Variants in CLCN5 observed in about 807,000 individuals in gnomAD.
CLCN5 encodes the protein H(+)/Cl(-) exchange transporter 5.
A neutral mutation model predicts 54.0 loss-of-function variants in CLCN5; 17 were observed. That is an observed-to-expected ratio of 0.31 (90% CI 0.22 to 0.47). The LOEUF (loss-of-function observed/expected upper bound fraction) is 0.47, where lower values mean the gene tolerates loss of function less well. Ranked by LOEUF, CLCN5 falls within the 20% of genes least tolerant of loss-of-function variation. The pLI is 1.00. For missense variants in CLCN5, 448 were observed against 646.7 expected (o/e 0.69, Z 3.33); for synonymous variants, 222 against 233.0 (o/e 0.95, Z 0.43).
chrX:50,038,416 G>A (rs889005636), intron 3 of CLCN5, among the ~76,000 whole-genome samples: 8 of 110,759 alleles, frequency 7.2e-5, no homozygotes, highest in East Asian at 2.8e-4. Context: ...TCATTAGTGG[G>A]GCAAATAAAA....
intron 3 of CLCN5, among the ~76,000 whole-genome samples, chrX:49,938,308 C>CAA (rs782416399): frequency 3.7e-4 from 41 of 111,470 alleles, no homozygotes; most frequent in Admixed American, 3.5e-3. Flanking sequence ...CATATGGAAC[C>CAA]AAAAAAGAGC....
intron 3 of CLCN5, among the ~76,000 whole-genome samples, chrX:49,945,595 G>A (rs781830859): frequency 1.0e-5 from 1 of 98,267 alleles, no homozygotes; most frequent in Non-Finnish European, 2.0e-5. Flanking sequence ...GCGCCACCAC[G>A]CCCAGCTAGT....
At chrX:49,981,779 T>C (rs1557177733) in intron 3 of CLCN5, among the ~76,000 whole-genome samples, 1 of 109,365 alleles carries the variant, frequency 9.1e-6, no homozygotes, top group Non-Finnish European at 1.9e-5. Flanking sequence ...AAGCTAAATA[T>C]GAAGCTGAAA....
intron 4 of CLCN5, among the ~76,000 whole-genome samples, chrX:50,063,355 C>T: frequency 9.6e-6 from 1 of 104,125 alleles, no homozygotes; most frequent in East Asian, 2.9e-4. Flanking sequence ...GAAATACAAA[C>T]TACCATCAGA....
At chrX:49,999,441 A>G (rs1158634653) in intron 3 of CLCN5, among the ~76,000 whole-genome samples, 1 of 104,503 alleles carries the variant, frequency 9.6e-6, no homozygotes, top group Middle Eastern at 4.5e-3. Context: ...TGCTGAGTTG[A>G]AGTATTTGAA....
At chrX:50,051,276 C>T (rs987580669) in intron 4 of CLCN5, among the ~76,000 whole-genome samples, 1 of 112,375 alleles carries the variant, frequency 8.9e-6, no homozygotes, top group Non-Finnish European at 1.9e-5. Context: ...GTTAAAAACA[C>T]TGTCCTTTCT....
In CLCN5 at chrX:50,094,983, A is replaced by T. The variant is rs782720039; in HGVS notation, c.*2764A>T. On this transcript the variant is annotated 3_prime_UTR_variant, in exon 15 of 15. Coordinates refer to ENST00000376091, the MANE Select transcript of CLCN5 (RefSeq NM_001127898.4). ...TGCTTAAGCAACAAATACAGCCAGTATAGGGAGGACTGTCAGTAGCATCAA... is the reference window on the plus strand; with the variant it reads ...TGCTTAAGCAACAAATACAGCCAGTTTAGGGAGGACTGTCAGTAGCATCAA... 5.3e-5 allele frequency: 6 copies of T among 112,823 alleles called. No homozygotes were observed. Among genetic ancestry groups the T allele is most frequent in the Non-Finnish European group, 1.1e-4 (6 of 53,329 alleles). The allele number at this position is 112,823 out of a possible 1,213,427, so 9.3% of individuals were successfully genotyped here.
At chrX:49,939,710 A>G (rs935724682) in intron 3 of CLCN5, among the ~76,000 whole-genome samples, 6 of 110,619 alleles carry the variant, frequency 5.4e-5, no homozygotes, top group Admixed American at 2.9e-4. Flanking sequence ...AATGGGTGCA[A>G]CACACCAACA....
At chrX:50,004,738 C>T (rs1001923528) in intron 3 of CLCN5, among the ~76,000 whole-genome samples, 2 of 110,602 alleles carry the variant, frequency 1.8e-5, no homozygotes, top group Non-Finnish European at 3.8e-5. Flanking sequence ...GGTGAAACCC[C>T]GTCTCTACTA....
chrX:50,054,235 A>C (rs892308697), intron 4 of CLCN5, among the ~76,000 whole-genome samples: 4 of 110,560 alleles, frequency 3.6e-5, no homozygotes, highest in African/African-American at 9.9e-5. Context: ...CAGCATTCCC[A>C]ATGTGTTTAC....
At chrX:50,063,265 G>A (rs1303062084) in intron 4 of CLCN5, among the ~76,000 whole-genome samples, 1 of 93,460 alleles carries the variant, frequency 1.1e-5, no homozygotes, top group Non-Finnish European at 2.0e-5. Context: ...CCGCTAGCAA[G>A]ACTAATAAAG....
intron 3 of CLCN5, among the ~76,000 whole-genome samples, chrX:50,034,185 G>T (rs782413751): frequency 4.5e-5 from 5 of 112,091 alleles, no homozygotes; most frequent in Non-Finnish European, 9.4e-5. Flanking sequence ...GTATAAGCTA[G>T]ATTATTTTCT....
intron 3 of CLCN5, among the ~76,000 whole-genome samples, chrX:49,952,766 A>C (rs2147291557): frequency 8.9e-6 from 1 of 112,487 alleles, no homozygotes; most frequent in Non-Finnish European, 1.9e-5. Flanking sequence ...ATATGTATTT[A>C]ACCAGTTTTA....
At chrX:50,057,700 T>G (rs1459202523) in intron 4 of CLCN5, among the ~76,000 whole-genome samples, 4 of 103,060 alleles carry the variant, frequency 3.9e-5, no homozygotes, top group African/African-American at 1.4e-4. Context: ...CTGGATAGTT[T>G]CTTAGATGGG....
At chrX:50,004,947 A>G (rs1247566675) in intron 3 of CLCN5, among the ~76,000 whole-genome samples, 1 of 111,868 alleles carries the variant, frequency 8.9e-6, no homozygotes. Flanking sequence ...TTTTAATATC[A>G]TCACATATCT....
chrX:49,940,247 A>G (rs1280157590), intron 3 of CLCN5, among the ~76,000 whole-genome samples: 1 of 112,102 alleles, frequency 8.9e-6, no homozygotes, highest in Non-Finnish European at 1.9e-5. Context: ...TGGTTTTGAC[A>G]ATTAAATCAT....
At position 50,055,765 on chromosome X, in the gene CLCN5, C is replaced by A. The variant is rs367654669; in HGVS notation, c.163+13303C>A. On this transcript the variant is annotated intron_variant, in intron 4 of 14. Transcript: ENST00000376091. ...CCAAAAAGAATTCAGTATGATCCTT[C>A]CAGTTCTTTCTCTATCCAGTCACAT... Among the ~76,000 whole-genome samples, 5 of 111,699 alleles carry A rather than the reference C, an allele frequency of 4.5e-5. No individual in the cohort carries two copies. In the East Asian group the frequency reaches 1.4e-3, roughly 31 times the overall value.
intron 4 of CLCN5, among the ~76,000 whole-genome samples, chrX:50,048,871 C>T (rs1011220092): frequency 3.6e-5 from 4 of 111,293 alleles, no homozygotes; most frequent in Non-Finnish European, 7.5e-5. Context: ...TTAGCCAATG[C>T]AGTAAGGAAA....
At chrX:50,080,968 A>G (rs1557193051) in intron 8 of CLCN5, among the ~76,000 whole-genome samples, 1 of 111,184 alleles carries the variant, frequency 9.0e-6, no homozygotes, top group Non-Finnish European at 1.9e-5. Context: ...CCTGTTCCCT[A>G]TCCAAAAAGC....
Sources: allele counts gnomAD v4.1 joint callset (sites outside exome capture counted in the v4.1 genomes callset), GRCh38; gene constraint gnomAD v4.1.1; transcripts MANE v1.5; gene names NCBI Gene and HGNC (gene_info 2026-07-23, HGNC 2026-07-21).